The following CNTNAP2 variants were observed in gnomAD, a reference collection of about 807,000 sequenced individuals.
The protein encoded by CNTNAP2 is contactin-associated protein-like 2.
In CNTNAP2, 98 loss-of-function variants were observed where a neutral mutation model predicts 155.2. That is an observed-to-expected ratio of 0.63 (90% CI 0.54 to 0.75). The LOEUF is 0.75. CNTNAP2 is among the 30% of genes least tolerant of loss of function. The probability of loss-of-function intolerance (pLI) is 0.00; values close to 1 mark genes in which losing one functional copy is unlikely to be tolerated. For missense variants in CNTNAP2, 1,727 were observed against 1,688.1 expected, an observed-to-expected ratio of 1.02 and a Z score of -0.40; for synonymous variants, 651 against 631.2, an observed-to-expected ratio of 1.03 and a Z score of -0.47.
intron 8 of CNTNAP2, among the ~76,000 whole-genome samples, chr7:147,147,631 G>A (rs1411670828): frequency 6.6e-6 from 1 of 152,030 alleles, no homozygotes; most frequent in Non-Finnish European, 1.5e-5. Context: ...TCTTCTTTCA[G>A]TAGTCAGCTT....
At chr7:147,714,947 T>G (rs1796460278) in intron 13 of CNTNAP2, among the ~76,000 whole-genome samples, 1 of 152,170 alleles carries the variant, frequency 6.6e-6, no homozygotes, top group African/African-American at 2.4e-5. Context: ...GTATGTATTC[T>G]TTTAAGATTT....
intron 1 of CNTNAP2, among the ~76,000 whole-genome samples, chr7:146,398,881 T>A (rs189260439): frequency 6.6e-6 from 1 of 151,982 alleles, no homozygotes; most frequent in Non-Finnish European, 1.5e-5. Context: ...ATTTCTTTTT[T>A]AAAATACTTA....
chr7:148,024,814 G>A (rs1243422241), intron 15 of CNTNAP2, among the ~76,000 whole-genome samples: 1 of 152,016 alleles, frequency 6.6e-6, no homozygotes, highest in African/African-American at 2.4e-5. Flanking sequence ...TTTTCTCTGG[G>A]CCACACCAGA....
chr7:147,121,291 G>A, intron 6 of CNTNAP2, 128 bp downstream of exon 6: 1 of 890,294 alleles, frequency 1.1e-6, no homozygotes, highest in Non-Finnish European at 1.7e-6. Flanking sequence ...ACAAGACACT[G>A]ACAATTTTAA....
intron 15 of CNTNAP2, among the ~76,000 whole-genome samples, chr7:148,000,081 A>G (rs1420320404): frequency 2.0e-5 from 3 of 152,198 alleles, no homozygotes; most frequent in Non-Finnish European, 2.9e-5. Flanking sequence ...TTCAACTCCA[A>G]GAGGATTGGG....
At chr7:148,024,157 T>TAAA (rs34591496) in intron 15 of CNTNAP2, among the ~76,000 whole-genome samples, 26,158 of 107,242 alleles carry the variant, frequency 0.24, 3,717 homozygotes, top group Middle Eastern at 0.29. Flanking sequence ...CTTTAAAGTG[T>TAAA]AAAAAAAAAA....
rs539625968 is a variant in CNTNAP2, at chr7:146,199,373, G to A, written c.97+82400G>A. On this transcript the variant is annotated intron_variant, in intron 1 of 23. Transcript: ENST00000361727. The stretch of plus-strand genomic sequence containing the variant: ...AGACAGTTCAACAGGCTGAGTCATA[G>A]GAATGGGCCTGTAGGGATGGGTAGA... Among the ~76,000 whole-genome samples the A allele has an allele frequency of 2.6e-5, 4 of 152,284 alleles. No individual in the cohort carries two copies. In the East Asian group the frequency reaches 5.8e-4, roughly 22 times the overall value.
intron 15 of CNTNAP2, among the ~76,000 whole-genome samples, chr7:148,073,072 C>A (rs1207058903): frequency 1.3e-5 from 2 of 152,110 alleles, no homozygotes; most frequent in Non-Finnish European, 2.9e-5. Flanking sequence ...GCCATTAACA[C>A]CCTACATCCC....
chr7:148,281,976 C>T (rs1335912560), intron 21 of CNTNAP2, among the ~76,000 whole-genome samples: 1 of 151,792 alleles, frequency 6.6e-6, no homozygotes, highest in Non-Finnish European at 1.5e-5. Context: ...AGGCTCACAC[C>T]ACCACACCCG....
Position 147,755,430 on chromosome 7 carries a change from G to A in CNTNAP2, c.2098+116124G>A, listed in dbSNP as rs11972363. On this transcript the variant is annotated intron_variant, in intron 13 of 23. Coordinates refer to ENST00000361727, the MANE Select transcript of CNTNAP2 (RefSeq NM_014141.6). Reference sequence around the variant, plus strand: ...AGCACTTTGGGATGCCAAGGCAGGCGGATCACTTGAAGCCAGGAGTTTGAG... The same window carrying A: ...AGCACTTTGGGATGCCAAGGCAGGCAGATCACTTGAAGCCAGGAGTTTGAG... Among the ~76,000 whole-genome samples, 392 of 152,280 alleles carry A rather than the reference G, an allele frequency of 2.6e-3. 1 individual carries two copies. The highest frequency in any genetic ancestry group is 9.0e-3 in the African/African-American group (375 of 41,546).
At chr7:146,408,774 A>C (rs1436772722) in intron 1 of CNTNAP2, among the ~76,000 whole-genome samples, 1 of 152,166 alleles carries the variant, frequency 6.6e-6, no homozygotes, top group Non-Finnish European at 1.5e-5. Context: ...AAGTATAATA[A>C]AAAATAAATA....
At chr7:147,099,612 A>G (rs1362295374) in intron 4 of CNTNAP2, among the ~76,000 whole-genome samples, 2 of 152,212 alleles carry the variant, frequency 1.3e-5, no homozygotes, top group African/African-American at 4.8e-5. Context: ...TGCTATCTTT[A>G]TATAGTATCA....
chr7:147,376,094 T>C (rs373953300), intron 9 of CNTNAP2, among the ~76,000 whole-genome samples: 3 of 152,074 alleles, frequency 2.0e-5, no homozygotes, highest in African/African-American at 7.2e-5. Flanking sequence ...TTTACTCTTT[T>C]ATTAAAAAAC....
intron 1 of CNTNAP2, among the ~76,000 whole-genome samples, chr7:146,732,205 AT>A (rs1563208557): frequency 6.6e-6 from 1 of 152,160 alleles, no homozygotes; most frequent in Admixed American, 6.6e-5. Flanking sequence ...TGTAATATAC[AT>A]TTTATTATTT....
At chr7:147,916,605 A>G (rs1208872176) in intron 14 of CNTNAP2, among the ~76,000 whole-genome samples, 1 of 128,900 alleles carries the variant, frequency 7.8e-6, no homozygotes, top group Non-Finnish European at 1.7e-5. Flanking sequence ...AAAAAAAAAA[A>G]AAATACAGTG....
chr7:147,095,659 A>G (rs533990042), intron 4 of CNTNAP2, among the ~76,000 whole-genome samples: 42 of 151,998 alleles, frequency 2.8e-4, no homozygotes, highest in African/African-American at 1.0e-3. Flanking sequence ...CATCACTACA[A>G]TATTGATTTT....
At chr7:146,647,249 A>G (rs1490175511) in intron 1 of CNTNAP2, among the ~76,000 whole-genome samples, 3 of 152,142 alleles carry the variant, frequency 2.0e-5, no homozygotes, top group African/African-American at 7.2e-5. Context: ...TCCATTCTGG[A>G]CTTTATCTCG....
At chr7:147,727,025 G>GTATATATA (rs148335807) in intron 13 of CNTNAP2, among the ~76,000 whole-genome samples, 1 of 149,860 alleles carries the variant, frequency 6.7e-6, no homozygotes, top group African/African-American at 2.5e-5. Flanking sequence ...GTATATGTGT[G>GTATATATA]TATATATATA....
chr7:148,108,704 A>G (rs555983776), intron 15 of CNTNAP2, among the ~76,000 whole-genome samples: 11 of 152,286 alleles, frequency 7.2e-5, no homozygotes, highest in Admixed American at 7.2e-4. Flanking sequence ...AGGTGCAGGG[A>G]ATGGGGAGAT....
Sources: allele counts gnomAD v4.1 joint callset (sites outside exome capture counted in the v4.1 genomes callset), GRCh38; gene constraint gnomAD v4.1.1; transcripts MANE v1.5; gene names NCBI Gene and HGNC (gene_info 2026-07-23, HGNC 2026-07-21).